Variants in PI4K2B observed in about 807,000 individuals in gnomAD.
PI4K2B encodes phosphatidylinositol 4-kinase type 2-beta.
PI4K2B carries 46 observed loss-of-function variants against 56.6 expected under a neutral mutation model. The ratio of observed to expected loss-of-function variants is 0.81; its 90% CI spans 0.64 to 1.04. The LOEUF is 1.04. PI4K2B is among the 50% of genes least tolerant of loss of function. The pLI, the probability that PI4K2B is intolerant of heterozygous loss-of-function variation, is 0.00. For synonymous variants in PI4K2B, 211 were observed against 223.8 expected (o/e 0.94, Z 0.51); for missense variants, 556 against 607.7 (o/e 0.91, Z 0.89).
rs900121088 is a variant in PI4K2B, at chr4:25,239,438, G to T, written c.268+5007G>T. Among the ~76,000 whole-genome samples, 3 of 116,780 alleles carry T rather than the reference G, an allele frequency of 2.6e-5. 1 individual carries two copies. The highest frequency in any genetic ancestry group is 7.6e-5 in the African/African-American group (3 of 39,530). 76.6% of individuals were successfully genotyped at this position (116,780 alleles called of 152,430 possible). A position where few individuals can be genotyped will look rare whatever the true frequency, so the allele number is the denominator to read the frequency against. ...GAAAGCGAGCACGGTGCCGGCCCAG[G>T]GGGACCCAGCAGCACCCTCTGCAGC... On this transcript the variant is annotated intron_variant, in intron 1 of 9. Coordinates refer to ENST00000264864, the MANE Select transcript of PI4K2B (RefSeq NM_018323.4).
intron 2 of PI4K2B, 115 bp downstream of exon 2, chr4:25,252,590 CT>C (rs1716104715): frequency 3.7e-6 from 3 of 820,112 alleles, no homozygotes; most frequent in Non-Finnish European, 5.8e-6. Flanking sequence ...ATTGTAACCT[CT>C]TTTCCAAAAC....
chr4:25,263,900 T>A (rs1441863518), intron 7 of PI4K2B, 51 bp downstream of exon 7: 2 of 779,328 alleles, frequency 2.6e-6, no homozygotes, highest in Non-Finnish European at 4.3e-6. Flanking sequence ...TTTTCCAGAA[T>A]GAGAAGGGAA....
Position 25,237,612 on chromosome 4 carries a change from C to T in PI4K2B, c.268+3181C>T, listed in dbSNP as rs527654865. Among the ~76,000 whole-genome samples the T allele has an allele frequency of 7.6e-4, 116 of 152,308 alleles. 2 individuals carry two copies. In the South Asian group the frequency reaches 0.021, roughly 28 times the overall value. The stretch of plus-strand genomic sequence containing the variant: ...AACTCCTGACCTCAGATGATCCTCC[C>T]GCCTCGGCTTCCCAGAGCACTGAGA... On this transcript the variant is annotated intron_variant, in intron 1 of 9. Coordinates refer to ENST00000264864, the MANE Select transcript of PI4K2B (RefSeq NM_018323.4).
intron 1 of PI4K2B, among the ~76,000 whole-genome samples, chr4:25,238,304 T>A (rs1472040351): frequency 6.6e-6 from 1 of 152,232 alleles, no homozygotes; most frequent in Admixed American, 6.5e-5. Flanking sequence ...GGGTAGCCTG[T>A]CACAGTCTCT....
rs184878746 is a variant in PI4K2B, at chr4:25,243,995, T to C, written c.269-8326T>C. ...CCAAACTCTTGGGCTGCATCTAAAG[T>C]CACATTCTTCTCATTAAAGGCCAGG... On this transcript the variant is annotated intron_variant, in intron 1 of 9. Coordinates refer to ENST00000264864, the MANE Select transcript of PI4K2B (RefSeq NM_018323.4). Among the ~76,000 whole-genome samples, 178 of 152,262 alleles carry C rather than the reference T, an allele frequency of 1.2e-3. 2 individuals are homozygous for C. In the South Asian group the frequency reaches 0.021, roughly 18 times the overall value.
chr4:25,274,914 G>C (rs1301601714), intron 9 of PI4K2B, among the ~76,000 whole-genome samples: 1 of 152,116 alleles, frequency 6.6e-6, no homozygotes, highest in Non-Finnish European at 1.5e-5. Flanking sequence ...TTGTGCCCCA[G>C]CCTCCCTGAT....
In PI4K2B at chr4:25,252,437, G is replaced by T; in HGVS notation, c.385G>T (p.Gly129Cys). Reference sequence around the variant, plus strand: ...AATTTTTCCAGAAAGAATCTCTCAAGGTTCAAGTGGAAGTTACTTTGTGAA... The same window carrying T: ...AATTTTTCCAGAAAGAATCTCTCAATGTTCAAGTGGAAGTTACTTTGTGAA... ...VGIFPERISQGSSGSYFVKDP... is the reference protein window; with the variant it reads ...VGIFPERISQCSSGSYFVKDP... The change falls in exon 2 of 10, where the codon GGT (glycine) becomes TGT (cysteine). Residue 129 changes from glycine (G) to cysteine (C), a missense_variant. Physicochemically the swap from Gly to Cys is radical, Grantham distance 159. Transcript: ENST00000264864. The T allele has an allele frequency of 1.2e-6, 2 of 1,612,146 alleles. No homozygotes were observed. The highest frequency in any genetic ancestry group is 1.7e-6 in the Non-Finnish European group (2 of 1,178,278).
rs1277595593 is a variant in PI4K2B, at chr4:25,249,853, G to A, written c.269-2468G>A. On this transcript the variant is annotated intron_variant, in intron 1 of 9. Coordinates refer to ENST00000264864, the MANE Select transcript of PI4K2B (RefSeq NM_018323.4). ...CAGAGACTGCAATCTCGGCACTTTG[G>A]GAGGCCAAGGCAAGTGGCTGGGAGG... is the stretch of plus-strand genomic sequence containing the variant. Among the ~76,000 whole-genome samples, 4 of 152,344 alleles carry A rather than the reference G, an allele frequency of 2.6e-5. No homozygotes were observed. In the East Asian group the frequency reaches 7.7e-4, roughly 29 times the overall value.
chr4:25,242,827 G>A (rs973047647), intron 1 of PI4K2B, among the ~76,000 whole-genome samples: 3 of 152,190 alleles, frequency 2.0e-5, no homozygotes, highest in Admixed American at 6.5e-5. Flanking sequence ...TCCTTCCAAT[G>A]CCCAGACTTC....
intron 1 of PI4K2B, among the ~76,000 whole-genome samples, chr4:25,242,176 G>A (rs992528886): frequency 6.6e-6 from 1 of 152,188 alleles, no homozygotes; most frequent in Non-Finnish European, 1.5e-5. Flanking sequence ...CTGGGCCTTC[G>A]ACCTAGACAC....
chr4:25,275,021 C>A (rs1717046457), intron 9 of PI4K2B, among the ~76,000 whole-genome samples: 1 of 152,072 alleles, frequency 6.6e-6, no homozygotes, highest in Non-Finnish European at 1.5e-5. Context: ...TCAGGCTGGT[C>A]TCAAACTCCT....
intron 7 of PI4K2B, among the ~76,000 whole-genome samples, chr4:25,268,160 G>A (rs916212603): frequency 1.3e-5 from 2 of 152,180 alleles, no homozygotes; most frequent in African/African-American, 4.8e-5. Flanking sequence ...CTGAACTGAG[G>A]AACCAGATAG....
intron 1 of PI4K2B, among the ~76,000 whole-genome samples, chr4:25,251,947 C>T (rs1716073036): frequency 6.6e-6 from 1 of 152,062 alleles, no homozygotes; most frequent in Non-Finnish European, 1.5e-5. Context: ...CCTCAGCCTT[C>T]CGAGTAGCTG....
At chr4:25,239,734 G>A (rs1001371222) in intron 1 of PI4K2B, among the ~76,000 whole-genome samples, 1 of 152,342 alleles carries the variant, frequency 6.6e-6, no homozygotes, top group Admixed American at 6.5e-5. Context: ...TGGGCGCCGA[G>A]GCCGAGGAGG....
chr4:25,252,278 A>G lies in PI4K2B; in HGVS notation c.269-43A>G, dbSNP rs762363662. 14 of 1,469,524 alleles carry G rather than the reference A, an allele frequency of 9.5e-6. No individual in the cohort carries two copies. In the South Asian group the frequency reaches 1.0e-4, roughly 11 times the overall value. 91.0% of individuals were successfully genotyped at this position (1,469,524 alleles called of 1,614,324 possible). On this transcript the variant is annotated intron_variant, in intron 1 of 9. Coordinates refer to ENST00000264864, the MANE Select transcript of PI4K2B (RefSeq NM_018323.4). ...GCAAGCTAATCGATATTACAGGTCC[A>G]TATCATGAGCATTCTCATAGCTGGT...
At position 25,261,447 on chromosome 4, in the gene PI4K2B, A is replaced by AT. The variant is rs1317327682; in HGVS notation, c.978+864dup. Among the ~76,000 whole-genome samples the AT allele has an allele frequency of 9.2e-5, 14 of 152,122 alleles. No individual in the cohort carries two copies. The East Asian group carries it at 2.5e-3, about 27-fold the overall frequency. On this transcript the variant is annotated intron_variant, in intron 6 of 9. Coordinates refer to ENST00000264864, the MANE Select transcript of PI4K2B (RefSeq NM_018323.4). ...TTGAAGTTTTAGATATTTACATAAG[A>AT]TTTTTTTTATAAAATACTTTTACAA...
rs1346557349 is a variant in PI4K2B, at chr4:25,278,133, A to G, written c.*946A>G. The G allele has an allele frequency of 1.3e-5, 2 of 152,188 alleles. No homozygotes were observed. The highest frequency in any genetic ancestry group is 4.8e-5 in the African/African-American group (2 of 41,444). 9.4% of individuals were successfully genotyped at this position (152,188 alleles called of 1,614,324 possible). On this transcript the variant is annotated 3_prime_UTR_variant, in exon 10 of 10. Transcript: ENST00000264864. The stretch of plus-strand genomic sequence containing the variant: ...TGTACTATTGTACTTGAAATTACAG[A>G]TGTTATTATAATTACAGTCAAATGT...
intron 6 of PI4K2B, among the ~76,000 whole-genome samples, chr4:25,261,245 A>T (rs907746853): frequency 1.7e-4 from 26 of 152,178 alleles, no homozygotes; most frequent in African/African-American, 5.8e-4. Flanking sequence ...TTACCTAATA[A>T]ATGGAACATG....
intron 1 of PI4K2B, among the ~76,000 whole-genome samples, chr4:25,237,546 A>G (rs544648255): frequency 6.6e-6 from 1 of 152,300 alleles, no homozygotes; most frequent in Admixed American, 6.5e-5. Flanking sequence ...TTGTATTTTT[A>G]GTAGAAACGG....
Sources: allele counts gnomAD v4.1 joint callset (sites outside exome capture counted in the v4.1 genomes callset), GRCh38; gene constraint gnomAD v4.1.1; transcripts MANE v1.5; gene names NCBI Gene and HGNC (gene_info 2026-07-23, HGNC 2026-07-21).